Variants in KLF12 observed in about 807,000 individuals in gnomAD.
The protein encoded by KLF12 is KLF transcription factor 12, also known as Krueppel-like factor 12.
Under a neutral mutation model 37.8 loss-of-function variants are expected in KLF12, and 9 were observed. The observed-to-expected ratio is 0.24, with a 90% CI of 0.14 to 0.42. KLF12 has a LOEUF of 0.42. Ranked by LOEUF, KLF12 falls within the 10% of genes least tolerant of loss-of-function variation. The probability of loss-of-function intolerance (pLI) is 1.00; values close to 1 mark genes in which losing one functional copy is unlikely to be tolerated. For synonymous variants in KLF12, 208 were observed against 202.1 expected (o/e 1.03, Z -0.25); for missense variants, 411 against 516.0 (o/e 0.80, Z 1.97).
intron 3 of KLF12, among the ~76,000 whole-genome samples, chr13:73,899,909 T>A (rs1250649842): frequency 6.6e-6 from 1 of 152,180 alleles, no homozygotes; most frequent in African/African-American, 2.4e-5. Context: ...GCCTCCATCA[T>A]CACAGGAGCC....
chr13:74,158,007 C>A, the KLF12 span, among the ~76,000 whole-genome samples: 1 of 152,130 alleles, frequency 6.6e-6, no homozygotes, highest in Non-Finnish European at 1.5e-5. Flanking sequence ...CTTATTCTCA[C>A]GCAAATTTAA....
chr13:73,958,369 G>A (rs1017644233), intron 2 of KLF12, among the ~76,000 whole-genome samples: 7 of 151,746 alleles, frequency 4.6e-5, no homozygotes, highest in Admixed American at 6.6e-5. Flanking sequence ...TCAACCTCCC[G>A]AGTAGCTGGG....
At chr13:73,770,853 A>C (rs530645706) in intron 5 of KLF12, among the ~76,000 whole-genome samples, 4 of 152,136 alleles carry the variant, frequency 2.6e-5, no homozygotes, top group Non-Finnish European at 5.9e-5. Flanking sequence ...ACTGCTTACT[A>C]TAACTCTTAT....
At chr13:73,872,900 C>T (rs1022908761) in intron 3 of KLF12, among the ~76,000 whole-genome samples, 9 of 152,158 alleles carry the variant, frequency 5.9e-5, no homozygotes, top group Admixed American at 5.9e-4. Flanking sequence ...AAGTATCAGA[C>T]ACAGAAGACA....
At chr13:74,007,290 T>A (rs958884240) in intron 1 of KLF12, among the ~76,000 whole-genome samples, 4 of 141,778 alleles carry the variant, frequency 2.8e-5, no homozygotes, top group African/African-American at 9.9e-5. Context: ...TTTATTTTTT[T>A]TTTTTGAGAT....
the KLF12 span, among the ~76,000 whole-genome samples, chr13:74,210,455 A>G: frequency 1.3e-5 from 2 of 152,206 alleles, no homozygotes; most frequent in South Asian, 2.1e-4. Context: ...TTAAAAATCT[A>G]CATTAAGTCA....
rs144799321 is a variant in KLF12 at position 73,770,818 on chromosome 13, C to T, written c.807-5818G>A. Among the ~76,000 whole-genome samples, 632 of 152,238 alleles carry T rather than the reference C, an allele frequency of 4.2e-3. 1 individual carries two copies. The highest frequency in any genetic ancestry group is 8.6e-3 in the Admixed American group (132 of 15,274). ...GATTACAGGCGTGAACCACCATGCC[C>T]AGCCAATATGTGAAATTTTTTTTAA... On this transcript the variant is annotated intron_variant, in intron 5 of 7. Coordinates refer to ENST00000377669, the MANE Select transcript of KLF12 (RefSeq NM_007249.5).
intron 1 of KLF12, among the ~76,000 whole-genome samples, chr13:74,097,827 C>T (rs978293704): frequency 4.6e-5 from 7 of 151,564 alleles, no homozygotes; most frequent in Non-Finnish European, 1.0e-4. Context: ...ACACTTCAGA[C>T]CCCAACTCCA....
chr13:74,239,716 G>T, the KLF12 span, among the ~76,000 whole-genome samples: 1 of 148,522 alleles, frequency 6.7e-6, no homozygotes, highest in Non-Finnish European at 1.5e-5. Flanking sequence ...TGTCTCTTTT[G>T]ATCTTTGTTG....
intron 3 of KLF12, among the ~76,000 whole-genome samples, chr13:73,898,260 A>T (rs946551325): frequency 3.3e-5 from 5 of 152,174 alleles, no homozygotes; most frequent in African/African-American, 1.2e-4. Context: ...TCCTAACAAA[A>T]AATTCAAGGG....
chr13:73,787,512 T>C (rs1383447596), intron 5 of KLF12, among the ~76,000 whole-genome samples: 1 of 152,250 alleles, frequency 6.6e-6, no homozygotes, highest in Non-Finnish European at 1.5e-5. Flanking sequence ...GAGTTCTTGC[T>C]CTGTGCCATG....
chr13:73,874,047 C>G (rs948255166), intron 3 of KLF12, among the ~76,000 whole-genome samples: 1 of 152,138 alleles, frequency 6.6e-6, no homozygotes, highest in Non-Finnish European at 1.5e-5. Context: ...AAGGCAAGGT[C>G]GAGGACTGTT....
At chr13:73,764,887 T>C (rs762422506) in intron 6 of KLF12, 51 bp downstream of exon 6, 2 of 1,034,186 alleles carry the variant, frequency 1.9e-6, no homozygotes, top group South Asian at 2.8e-5. Flanking sequence ...ATAAGCCCTA[T>C]TAAAGTTTCC....
chr13:73,726,341 C>G (rs1876671498), intron 6 of KLF12, among the ~76,000 whole-genome samples: 1 of 152,156 alleles, frequency 6.6e-6, no homozygotes, highest in Admixed American at 6.5e-5. Context: ...AATTCAATGG[C>G]ATTCAGTACA....
the KLF12 span, among the ~76,000 whole-genome samples, chr13:74,180,039 C>CACTT: frequency 6.6e-6 from 1 of 152,170 alleles, no homozygotes; most frequent in African/African-American, 2.4e-5. Context: ...AAGACGTCTT[C>CACTT]ACTTATCATT....
the KLF12 span, among the ~76,000 whole-genome samples, chr13:74,186,948 G>A: frequency 2.6e-5 from 4 of 152,094 alleles, no homozygotes; most frequent in Admixed American, 1.3e-4. Flanking sequence ...CTTAATTCCC[G>A]TTGTCTACTG....
intron 6 of KLF12, among the ~76,000 whole-genome samples, chr13:73,732,487 A>T (rs7983724): frequency 0.78 from 118,723 of 152,046 alleles, 46,522 homozygotes; most frequent in Middle Eastern, 0.9. Flanking sequence ...GAGCTGCCTT[A>T]TGGGTACTTG....
At position 73,977,175 on chromosome 13, in the gene KLF12, G is replaced by A. The variant is rs549390453; in HGVS notation, c.33+17815C>T. ...AAGCACCTCAGCCTCCTGAATAGCT[G>A]GGACTACAGGCATGAGCCACCAACA... On this transcript the variant is annotated intron_variant, in intron 2 of 7. Transcript: ENST00000377669. Among the ~76,000 whole-genome samples the A allele has an allele frequency of 2.0e-5, 3 of 151,668 alleles. No individual in the cohort carries two copies. In the South Asian group the frequency reaches 6.3e-4, roughly 32 times the overall value.
At chr13:74,038,874 A>G (rs1893325121) in intron 1 of KLF12, among the ~76,000 whole-genome samples, 1 of 152,172 alleles carries the variant, frequency 6.6e-6, no homozygotes, top group Non-Finnish European at 1.5e-5. Context: ...GCTTAGTTTA[A>G]AACATGTAAA....
Sources: allele counts gnomAD v4.1 joint callset (sites outside exome capture counted in the v4.1 genomes callset), GRCh38; gene constraint gnomAD v4.1.1; transcripts MANE v1.5; gene names NCBI Gene and HGNC (gene_info 2026-07-23, HGNC 2026-07-21).